SYT7: variants seen among roughly 807,000 people sequenced by gnomAD.
SYT7 encodes synaptotagmin 7, also known as synaptotagmin-7.
SYT7 carries 29 observed loss-of-function variants against 75.1 expected under a neutral mutation model. That is an observed-to-expected ratio of 0.39 (90% CI 0.29 to 0.53). The LOEUF (loss-of-function observed/expected upper bound fraction) is 0.53, where lower values mean the gene tolerates loss of function less well. Among genes scored for constraint, SYT7 ranks in the 20% least tolerant of loss-of-function variants. The pLI is 0.77. For synonymous variants in SYT7, 376 were observed against 401.7 expected, an observed-to-expected ratio of 0.94 and a Z score of 0.76; for missense variants, 693 against 953.2, an observed-to-expected ratio of 0.73 and a Z score of 3.59.
intron 2 of SYT7, among the ~76,000 whole-genome samples, chr11:61,555,681 G>A (rs78117311): frequency 6.6e-6 from 1 of 152,172 alleles, no homozygotes; most frequent in Admixed American, 6.5e-5. Context: ...GGAGGGGAGC[G>A]GGCAGAGGGG....
upstream of SYT7, among the ~76,000 whole-genome samples, chr11:61,583,225 C>CA (rs1253126945): frequency 7.0e-3 from 1,006 of 143,552 alleles, 11 homozygotes; most frequent in African/African-American, 0.023. Flanking sequence ...AGCCCGGTCT[C>CA]AAAAAAAAAA....
rs1387115538 is a variant in SYT7, at chr11:61,517,474, C to G, written c.*1153G>C. On this transcript the variant is annotated 3_prime_UTR_variant, in exon 13 of 13. Coordinates refer to ENST00000539008, the MANE Select transcript of SYT7 (RefSeq NM_001365809.2). ...GGTCAGGTGATGGACGATCAGAGAC[C>G]ACGCACGATGAGACGGAATGAATGG... 2 of 398,748 alleles carry G rather than the reference C, an allele frequency of 5.0e-6. No individual in the cohort carries two copies. Among genetic ancestry groups the G allele is most frequent in the Non-Finnish European group, 8.8e-6 (2 of 226,260 alleles). 24.7% of individuals were successfully genotyped at this position (398,748 alleles called of 1,614,324 possible). A position where few individuals can be genotyped will look rare whatever the true frequency, so the allele number is the denominator to read the frequency against.
Position 61,524,435 on chromosome 11 carries a change from G to T in SYT7, c.1569C>A (p.Ile523=). ...GGGTCAGGTCCACCTTGTTAAGGGG[G>T]ATGGACACCTCCCCAATGGGGTCGT... ...SRNDPIGEVS[I]PLNKVDLTQM... is the part of the protein sequence containing the mutation. The change falls in exon 10 of 13, where the codon ATC becomes ATA. Residue 523 remains isoleucine, a synonymous_variant. Transcript: ENST00000539008. The surrounding 1 kb of genome is among the most constrained non-coding windows in gnomAD (Gnocchi z 4.1). 6.2e-7 allele frequency: 1 copy of T among 1,614,008 alleles called. No individual in the cohort carries two copies. Among genetic ancestry groups the T allele is most frequent in the Non-Finnish European group, 8.5e-7 (1 of 1,179,932 alleles).
At chr11:61,567,343 G>GC (rs10682064) in intron 1 of SYT7, among the ~76,000 whole-genome samples, 4,730 of 150,736 alleles carry the variant, frequency 0.031, 200 homozygotes, top group African/African-American at 0.087. Context: ...TGAGCGCCCC[G>GC]CCCCCCAGAG....
chr11:61,523,647 A>G lies in SYT7; in HGVS notation c.1756+180T>C, dbSNP rs954450100. 1.3e-5 allele frequency among the ~76,000 whole-genome samples: 2 copies of G among 152,142 alleles called. No homozygotes were observed. The highest frequency in any genetic ancestry group is 4.8e-5 in the African/African-American group (2 of 41,424). ...CATCTTGATTCTTGAACAGAGTCCG[A>G]GATGAGGGTGCTCCAAAGGGGGGCC... On this transcript the variant is annotated intron_variant, in intron 11 of 12. Coordinates refer to ENST00000539008, the MANE Select transcript of SYT7 (RefSeq NM_001365809.2). The surrounding 1 kb of genome is among the most constrained non-coding windows in gnomAD (Gnocchi z 5.0).
chr11:61,586,762 G>A, the SYT7 span, among the ~76,000 whole-genome samples: 2 of 152,126 alleles, frequency 1.3e-5, no homozygotes, highest in East Asian at 1.9e-4. Flanking sequence ...CATCCTCTCC[G>A]CAGTGACTTT....
At chr11:61,571,655 A>G (rs2063923815) in intron 1 of SYT7, among the ~76,000 whole-genome samples, 1 of 152,224 alleles carries the variant, frequency 6.6e-6, no homozygotes, top group Non-Finnish European at 1.5e-5. Flanking sequence ...CCAGGAAGGA[A>G]GCAGACTCAG....
chr11:61,531,551 AC>A (rs1187569388), intron 8 of SYT7, among the ~76,000 whole-genome samples: 1 of 151,566 alleles, frequency 6.6e-6, no homozygotes, highest in African/African-American at 2.4e-5. Flanking sequence ...GCCCAAGGTG[AC>A]CAGATCTAGG....
At chr11:61,584,802 C>T (rs1387812872), upstream of SYT7, among the ~76,000 whole-genome samples, 2 of 152,208 alleles carry the variant, frequency 1.3e-5, no homozygotes, top group East Asian at 1.9e-4. Flanking sequence ...GTGAATCACC[C>T]CTGCCCTGCC....
At chr11:61,529,881 C>G (rs547385527) in intron 8 of SYT7, among the ~76,000 whole-genome samples, 1 of 152,174 alleles carries the variant, frequency 6.6e-6, no homozygotes, top group Non-Finnish European at 1.5e-5. Flanking sequence ...GTGATATGCC[C>G]GCCTCAGCTT....
At chr11:61,534,038 C>T (rs1206736437) in intron 7 of SYT7, among the ~76,000 whole-genome samples, 5 of 152,118 alleles carry the variant, frequency 3.3e-5, no homozygotes, top group African/African-American at 9.7e-5. Flanking sequence ...GCCCAGGCTC[C>T]GTTCAGCTGG....
chr11:61,554,825 C>A (rs2063449916), intron 2 of SYT7, among the ~76,000 whole-genome samples: 1 of 152,218 alleles, frequency 6.6e-6, no homozygotes, highest in Non-Finnish European at 1.5e-5. Flanking sequence ...GGGTCATGCA[C>A]ACACTTGCAC....
chr11:61,556,883 A>C (rs1590919303), intron 1 of SYT7, among the ~76,000 whole-genome samples: 5 of 130,444 alleles, frequency 3.8e-5, no homozygotes, highest in African/African-American at 5.9e-5. Context: ...CCCCAAGCTC[A>C]CCCCCACCAC....
chr11:61,542,441 G>A lies in SYT7; in HGVS notation c.711C>T (p.Gly237=). ...TGGTGGTGGGCTGGCTGGGCTGCCG[G>A]CCCCGCTGGTGCTGGCTCAGCGGCT... ...LQQPLSQHQR[G]RQPSQPTTSQ... The change falls in exon 6 of 13, where the codon GGC becomes GGT. Residue 237 remains glycine, a synonymous_variant. Transcript: ENST00000539008. This position sits in a 1 kb window ranked among gnomAD's most constrained non-coding sequence, Gnocchi z 7.8. 2.0e-6 allele frequency: 3 copies of A among 1,532,780 alleles called. No homozygotes were observed. The highest frequency in any genetic ancestry group is 2.6e-6 in the Non-Finnish European group (3 of 1,146,068). The allele number at this position is 1,532,780 out of a possible 1,614,324, so 94.9% of individuals were successfully genotyped here. A position where few individuals can be genotyped will look rare whatever the true frequency, so the allele number is the denominator to read the frequency against.
Position 61,524,264 on chromosome 11 carries a change from A to T in SYT7, c.1641+99T>A, listed in dbSNP as rs1202695418. The T allele has an allele frequency of 2.8e-6, 4 of 1,443,712 alleles. No individual in the cohort carries two copies. Among genetic ancestry groups the T allele is most frequent in the Non-Finnish European group, 3.8e-6 (4 of 1,064,166 alleles). 89.4% of individuals were successfully genotyped at this position (1,443,712 alleles called of 1,614,324 possible). On this transcript the variant is annotated intron_variant, in intron 10 of 12. Coordinates refer to ENST00000539008, the MANE Select transcript of SYT7 (RefSeq NM_001365809.2). This position sits in a 1 kb window ranked among gnomAD's most constrained non-coding sequence, Gnocchi z 4.1. ...TCCACCCATCTGCACCCTCTCCCACAGCCCTCCTGGCCTTCCTAAGGTTGA... is the reference window on the plus strand; with the variant it reads ...TCCACCCATCTGCACCCTCTCCCACTGCCCTCCTGGCCTTCCTAAGGTTGA...
chr11:61,529,617 G>A (rs1239277375), intron 8 of SYT7, among the ~76,000 whole-genome samples: 4 of 152,200 alleles, frequency 2.6e-5, no homozygotes, highest in Admixed American at 6.5e-5. Flanking sequence ...GGTGAAAAGC[G>A]TCGGAATCAC....
intron 1 of SYT7, among the ~76,000 whole-genome samples, chr11:61,570,017 G>C (rs948367562): frequency 6.6e-6 from 1 of 152,230 alleles, no homozygotes; most frequent in Non-Finnish European, 1.5e-5. Context: ...CCACCCCCTC[G>C]AGTAGGCTGA....
intron 1 of SYT7, among the ~76,000 whole-genome samples, chr11:61,568,560 G>A (rs970227644): frequency 1.3e-5 from 2 of 152,218 alleles, no homozygotes; most frequent in African/African-American, 4.8e-5. Context: ...CAGAAAGGGA[G>A]GTGACCGCTC....
At chr11:61,522,460 G>T (rs1434993402) in intron 12 of SYT7, among the ~76,000 whole-genome samples, 1 of 152,168 alleles carries the variant, frequency 6.6e-6, no homozygotes, top group Non-Finnish European at 1.5e-5. Flanking sequence ...AAAGTGCTGG[G>T]ATTACAGGCA....
Sources: allele counts gnomAD v4.1 joint callset (sites outside exome capture counted in the v4.1 genomes callset), GRCh38; gene constraint gnomAD v4.1.1; non-coding constraint Gnocchi (gnomAD v3.1); transcripts MANE v1.5; gene names NCBI Gene and HGNC (gene_info 2026-07-23, HGNC 2026-07-21).